SCUBE2: variants seen among roughly 807,000 people sequenced by gnomAD.
The protein encoded by SCUBE2 is signal peptide, CUB domain and EGF like domain containing 2.
A neutral mutation model predicts 125.9 loss-of-function variants in SCUBE2; 114 were observed. That is an observed-to-expected ratio of 0.91 (90% CI 0.78 to 1.06). SCUBE2 has a LOEUF of 1.06. Among genes scored for constraint, SCUBE2 ranks in the 50% least tolerant of loss-of-function variants. SCUBE2 has a pLI of 0.00. For missense variants in SCUBE2, 1,255 were observed against 1,301.8 expected (o/e 0.96, Z 0.55); for synonymous variants, 459 against 492.9 (o/e 0.93, Z 0.91).
chr11:9,083,900 T>A (rs1183667331), intron 2 of SCUBE2, among the ~76,000 whole-genome samples: 1 of 152,190 alleles, frequency 6.6e-6, no homozygotes, highest in Non-Finnish European at 1.5e-5. Flanking sequence ...TAATTGTTTT[T>A]AATATATATA....
chr11:9,087,891 T>C (rs551721592), intron 2 of SCUBE2, among the ~76,000 whole-genome samples: 54 of 152,354 alleles, frequency 3.5e-4, no homozygotes, highest in Non-Finnish European at 6.8e-4. Context: ...GACAGTCACT[T>C]ACCTACTTGG....
At chr11:9,049,051 C>CAT (rs962282174) in intron 14 of SCUBE2, among the ~76,000 whole-genome samples, 10 of 152,034 alleles carry the variant, frequency 6.6e-5, no homozygotes, top group Non-Finnish European at 1.0e-4. Context: ...TCGATGTTTC[C>CAT]ATATATATTT....
intron 4 of SCUBE2, among the ~76,000 whole-genome samples, chr11:9,073,431 T>C (rs568384665): frequency 6.6e-6 from 1 of 152,308 alleles, no homozygotes; most frequent in Admixed American, 6.5e-5. Flanking sequence ...TTTTTCTTGG[T>C]ACCCAAACAG....
rs138320213 is a variant in SCUBE2, at chr11:9,087,093, TTA to T, written c.256+2612_256+2613del. On this transcript the variant is annotated intron_variant, in intron 2 of 22. Coordinates refer to ENST00000649792, the MANE Select transcript of SCUBE2 (RefSeq NM_001367977.2). ...AATCACATATCATTTTAAAATAAAT[TTA>T]TATATATATATGGCACAATGCCAGT... 4.6e-3 allele frequency among the ~76,000 whole-genome samples: 692 copies of T among 151,594 alleles called. 4 individuals carry two copies. The highest frequency in any genetic ancestry group is 0.016 in the African/African-American group (667 of 41,384).
chr11:9,053,647 T>C lies in SCUBE2; in HGVS notation c.1320A>G (p.Lys440=), dbSNP rs767889852. Residue 440 remains lysine (K), a synonymous_variant, in exon 11 of 23, where the codon AAA becomes AAG. Coordinates refer to ENST00000649792, the MANE Select transcript of SCUBE2 (RefSeq NM_001367977.2). ...HPGYKLHWNK[K]DCVEVKGLLP... ...CTCGGTTCCCCTTACCCACACAGTC[T>C]TTTTTATTCCAGTGGAGCTTGTACC... The C allele has an allele frequency of 1.2e-6, 2 of 1,614,022 alleles. No homozygotes were observed. Among genetic ancestry groups the C allele is most frequent in the Non-Finnish European group, 1.7e-6 (2 of 1,179,954 alleles).
intron 13 of SCUBE2, among the ~76,000 whole-genome samples, chr11:9,051,085 C>A (rs1287403029): frequency 6.6e-6 from 1 of 152,168 alleles, no homozygotes; most frequent in Non-Finnish European, 1.5e-5. Context: ...ATTGCTTGAA[C>A]CCAGGAGGCA....
intron 16 of SCUBE2, among the ~76,000 whole-genome samples, chr11:9,038,269 G>A (rs1458687318): frequency 6.6e-6 from 1 of 152,188 alleles, no homozygotes; most frequent in African/African-American, 2.4e-5. Flanking sequence ...CAAAGAGGGG[G>A]TAGGGATGGA....
At position 9,020,486 on chromosome 11, in the gene SCUBE2, G is replaced by C. The variant is rs1261958070; in HGVS notation, c.*559C>G. On this transcript the variant is annotated 3_prime_UTR_variant, in exon 23 of 23. Coordinates refer to ENST00000649792, the MANE Select transcript of SCUBE2 (RefSeq NM_001367977.2). ...AACTCAAGTTCCTGGGATCAAACTT[G>C]TATCACACAGGCTGGAGAAGGCTGT... 1 of 151,464 alleles carries C rather than the reference G, an allele frequency of 6.6e-6. No homozygotes were observed. The highest frequency in any genetic ancestry group is 1.9e-4 in the East Asian group (1 of 5,160). 9.4% of individuals were successfully genotyped at this position (151,464 alleles called of 1,614,324 possible).
chr11:9,078,990 G>A (rs1861419883), intron 3 of SCUBE2, among the ~76,000 whole-genome samples: 3 of 152,114 alleles, frequency 2.0e-5, no homozygotes, highest in Admixed American at 1.3e-4. Flanking sequence ...CTAGCTGGCT[G>A]TAACCCCAGC....
chr11:9,023,457 G>C (rs1360125731), intron 21 of SCUBE2, among the ~76,000 whole-genome samples: 1 of 152,026 alleles, frequency 6.6e-6, no homozygotes, highest in East Asian at 1.9e-4. Flanking sequence ...TTTTGTTGAT[G>C]GGACTTACCA....
chr11:9,032,119 T>C (rs149871525), intron 17 of SCUBE2, among the ~76,000 whole-genome samples: 11 of 152,216 alleles, frequency 7.2e-5, no homozygotes, highest in African/African-American at 2.6e-4. Flanking sequence ...AATATTCTTA[T>C]TGCTGTCATT....
At chr11:9,028,185 C>T (rs184810861) in intron 19 of SCUBE2, among the ~76,000 whole-genome samples, 201 of 150,524 alleles carry the variant, frequency 1.3e-3, no homozygotes, top group African/African-American at 4.7e-3. Context: ...TATGCAAGTG[C>T]CATCAGGCCT....
At chr11:9,033,190 G>A (rs555397402) in intron 17 of SCUBE2, among the ~76,000 whole-genome samples, 2 of 152,280 alleles carry the variant, frequency 1.3e-5, no homozygotes, top group South Asian at 2.1e-4. Context: ...TCACAGAGGA[G>A]GTCCCAGTTT....
intron 20 of SCUBE2, chr11:9,026,690 TG>T (rs1855799415): frequency 6.6e-6 from 1 of 152,566 alleles, no homozygotes; most frequent in African/African-American, 2.4e-5. Flanking sequence ...TCCCTCAGCC[TG>T]GGATTACAGG....
chr11:9,070,402 C>T (rs1276378265), intron 4 of SCUBE2, among the ~76,000 whole-genome samples: 1 of 152,218 alleles, frequency 6.6e-6, no homozygotes, highest in Non-Finnish European at 1.5e-5. Context: ...TGAGATCCTG[C>T]TGCCTACCAG....
At chr11:9,079,965 AT>A (rs1379337009) in intron 2 of SCUBE2, among the ~76,000 whole-genome samples, 1 of 152,268 alleles carries the variant, frequency 6.6e-6, no homozygotes, top group African/African-American at 2.4e-5. Context: ...TTATTGTAAA[AT>A]TTATATGGAA....
At position 9,091,471 on chromosome 11, in the gene SCUBE2, G is replaced by T; in HGVS notation, c.58C>A (p.Leu20Met). 1 of 1,272,664 alleles carries T rather than the reference G, an allele frequency of 7.9e-7. No homozygotes were observed. The highest frequency in any genetic ancestry group is 1.0e-6 in the Non-Finnish European group (1 of 986,576). The allele number at this position is 1,272,664 out of a possible 1,614,324, so 78.8% of individuals were successfully genotyped here. The change falls in exon 1 of 23, where the codon CTG becomes ATG. Residue 20 changes from leucine to methionine, a missense_variant. By Grantham distance (15) the Leu-to-Met change is conservative. Coordinates refer to ENST00000649792, the MANE Select transcript of SCUBE2 (RefSeq NM_001367977.2). The surrounding 1 kb of genome is among the most constrained non-coding windows in gnomAD (Gnocchi z 8.5). ...AGCAGCAGCAGTGGCGGCAGCAGCA[G>T]CAGCAGCAGCAGCACCGCCCAGGCC... The part of the protein sequence containing the change: ...GAAWAVLLLL[L>M]LLPPLLLLAG...
rs540297209 is a variant in SCUBE2 at position 9,069,554 on chromosome 11, G to A, written c.518-59C>T. 2,652 of 1,608,056 alleles carry A rather than the reference G, an allele frequency of 1.6e-3. 7 individuals are homozygous for A. The highest frequency in any genetic ancestry group is 1.9e-3 in the Non-Finnish European group (2,269 of 1,175,772). On this transcript the variant is annotated intron_variant, in intron 4 of 22. Coordinates refer to ENST00000649792, the MANE Select transcript of SCUBE2 (RefSeq NM_001367977.2). The stretch of plus-strand genomic sequence containing the variant: ...CTGTGGTCAGAATCCTGAGCCCTGG[G>A]AGAGCGGCAAAGGGCTAAGGGGTGG...
At chr11:9,079,339 G>A (rs753993812) in intron 3 of SCUBE2, 45 bp downstream of exon 3, 1 of 1,611,460 alleles carries the variant, frequency 6.2e-7, no homozygotes, top group African/African-American at 1.3e-5. Flanking sequence ...AAAGAAAGGG[G>A]TGGGAGAGTG....
Sources: gnomAD v4.1 joint callset for allele counts (sites outside exome capture counted in the v4.1 genomes callset) on GRCh38, gnomAD v4.1.1 for gene constraint, Gnocchi (gnomAD v3.1) non-coding constraint, MANE v1.5 for transcripts, NCBI Gene and HGNC (gene_info 2026-07-23, HGNC 2026-07-21) for gene names.